SNX8: variants seen among roughly 807,000 people sequenced by gnomAD.
SNX8 encodes the protein sorting nexin-8.
In SNX8, 25 loss-of-function variants were observed where a neutral mutation model predicts 51.6. The ratio of observed to expected loss-of-function variants is 0.48; its 90% CI spans 0.35 to 0.68. The LOEUF is 0.68. SNX8 is among the 30% of genes least tolerant of loss of function. The pLI is 0.00. For missense variants in SNX8, 695 were observed against 624.0 expected, an observed-to-expected ratio of 1.11 and a Z score of -1.21; for synonymous variants, 324 against 277.0, an observed-to-expected ratio of 1.17 and a Z score of -1.68.
At chr7:2,344,386 C>T (rs1005552548) in intron 1 of SNX8, among the ~76,000 whole-genome samples, 5 of 151,380 alleles carry the variant, frequency 3.3e-5, no homozygotes, top group Admixed American at 2.0e-4. Flanking sequence ...CCCAGACGGG[C>T]GGATCACGAG....
At chr7:2,268,969 G>A (rs1396240740) in intron 5 of SNX8, among the ~76,000 whole-genome samples, 15 of 138,040 alleles carry the variant, frequency 1.1e-4, no homozygotes, top group Non-Finnish European at 1.6e-4. Context: ...CCTCTGCCCG[G>A]CCACCCCTAC....
chr7:2,263,421 C>CTG, intron 6 of SNX8, 59 bp from the exon 7 acceptor site: 1 of 1,508,824 alleles, frequency 6.6e-7, no homozygotes, highest in Non-Finnish European at 9.0e-7. Flanking sequence ...ACCTGGCAGT[C>CTG]GAGTCTGGCA....
At chr7:2,342,598 G>C (rs1263581923) in intron 1 of SNX8, among the ~76,000 whole-genome samples, 1 of 151,314 alleles carries the variant, frequency 6.6e-6, no homozygotes, top group Non-Finnish European at 1.5e-5. Context: ...AGGTTGCAGT[G>C]AGCCGAGATC....
At chr7:2,353,597 G>C (rs554161381) in intron 1 of SNX8, among the ~76,000 whole-genome samples, 14 of 151,960 alleles carry the variant, frequency 9.2e-5, no homozygotes, top group African/African-American at 3.4e-4. Context: ...ATTTTAATAT[G>C]AAGTTTAGTA....
intron 1 of SNX8, among the ~76,000 whole-genome samples, chr7:2,353,008 G>A (rs1248840355): frequency 6.6e-6 from 1 of 152,110 alleles, no homozygotes; most frequent in Non-Finnish European, 1.5e-5. Flanking sequence ...ACACCGTTAG[G>A]ATGGGATGGG....
intron 1 of SNX8, among the ~76,000 whole-genome samples, chr7:2,326,427 A>G (rs936211956): frequency 6.6e-6 from 1 of 152,108 alleles, no homozygotes; most frequent in African/African-American, 2.4e-5. Context: ...GCACTTTGGA[A>G]GGCCAAGGCG....
intron 1 of SNX8, among the ~76,000 whole-genome samples, chr7:2,337,676 C>T (rs529826042): frequency 7.5e-4 from 113 of 151,524 alleles, no homozygotes; most frequent in South Asian, 8.3e-4. Context: ...AATGCAAATA[C>T]GAGAAAACAT....
At chr7:2,257,574 A>C in intron 8 of SNX8, 60 bp from the exon 9 acceptor site, 1 of 1,590,224 alleles carries the variant, frequency 6.3e-7, no homozygotes, top group South Asian at 1.1e-5. Context: ...GGCCCTGCGG[A>C]GCCGGCCGAG....
rs1795215866 is a variant in SNX8, at chr7:2,257,431, C to T, written c.1068G>A (p.Met356Ile). The change falls in exon 9 of 11, where the codon ATG becomes ATA. Residue 356 changes from methionine to isoleucine, a missense_variant. Coordinates refer to ENST00000222990, the MANE Select transcript of SNX8 (RefSeq NM_013321.4). Reference protein sequence around the residue: ...LHKYSLMKRQMMSATAQNREP... With the variant: ...LHKYSLMKRQIMSATAQNREP... The stretch of plus-strand genomic sequence containing the variant: ...CGCGGTTCTGCGCGGTGGCGCTCAT[C>T]ATCTGCCTCTTCATCAGGCTGTACT... The T allele has an allele frequency of 1.2e-6, 2 of 1,610,832 alleles. No homozygotes were observed. Among genetic ancestry groups the T allele is most frequent in the East Asian group, 2.2e-5 (1 of 44,814 alleles).
chr7:2,293,596 T>C lies in SNX8; in HGVS notation c.95-15291A>G, dbSNP rs569085756. 5.4e-5 allele frequency among the ~76,000 whole-genome samples: 8 copies of C among 148,358 alleles called. No homozygotes were observed. In the South Asian group the frequency reaches 1.7e-3, roughly 32 times the overall value. The stretch of plus-strand genomic sequence containing the variant: ...AGAATCGCTTGAACCCAGGAGGTGA[T>C]GGTTGCAGTGAGCCAAGATAGCGCC... On this transcript the variant is annotated intron_variant, in intron 1 of 10. Coordinates refer to ENST00000222990, the MANE Select transcript of SNX8 (RefSeq NM_013321.4).
chr7:2,313,455 G>A (rs1796698844), intron 1 of SNX8, among the ~76,000 whole-genome samples: 1 of 151,332 alleles, frequency 6.6e-6, no homozygotes, highest in Admixed American at 6.6e-5. Flanking sequence ...GAACCCGGGA[G>A]GCGGAGGTTG....
At chr7:2,339,480 A>T (rs1217189705) in intron 1 of SNX8, among the ~76,000 whole-genome samples, 1 of 152,118 alleles carries the variant, frequency 6.6e-6, no homozygotes, top group African/African-American at 2.4e-5. Flanking sequence ...AAGTGCTGGG[A>T]GAAAATTATA....
intron 10 of SNX8, among the ~76,000 whole-genome samples, chr7:2,256,182 C>G (rs577861128): frequency 6.6e-6 from 1 of 152,332 alleles, no homozygotes; most frequent in Non-Finnish European, 1.5e-5. Flanking sequence ...CCTCTCCAGC[C>G]CCACCACGGC....
intron 1 of SNX8, among the ~76,000 whole-genome samples, chr7:2,323,454 T>C (rs2115227118): frequency 6.6e-6 from 1 of 152,212 alleles, no homozygotes; most frequent in South Asian, 2.1e-4. Flanking sequence ...TATATCATGC[T>C]GCAGTAACAA....
chr7:2,271,064 G>T (rs1263043667), intron 4 of SNX8, among the ~76,000 whole-genome samples: 1 of 152,266 alleles, frequency 6.6e-6, no homozygotes, highest in East Asian at 1.9e-4. Flanking sequence ...GTTTTTTTGA[G>T]ACAGGGTCTC....
chr7:2,275,297 C>T (rs1362073191), intron 2 of SNX8, 68 bp from the exon 3 acceptor site: 3 of 1,065,022 alleles, frequency 2.8e-6, no homozygotes, highest in Non-Finnish European at 4.4e-6. Context: ...TTCCCCTCAA[C>T]AGAGCCCGGG....
chr7:2,272,867 C>G (rs1302678668), intron 3 of SNX8, among the ~76,000 whole-genome samples: 1 of 151,950 alleles, frequency 6.6e-6, no homozygotes, highest in Non-Finnish European at 1.5e-5. Flanking sequence ...GAGTTTCACT[C>G]TTGTCGCCCA....
intron 3 of SNX8, 40 bp from the exon 4 acceptor site, chr7:2,272,011 G>A (rs774540368): frequency 1.7e-5 from 28 of 1,608,816 alleles, no homozygotes; most frequent in South Asian, 9.9e-5. Flanking sequence ...AGTCCAGGGC[G>A]CCGGCCCCCA....
At chr7:2,310,033 G>A (rs1364532334) in intron 1 of SNX8, 1 of 372,510 alleles carries the variant, frequency 2.7e-6, no homozygotes, top group East Asian at 7.3e-5. Context: ...GGGATGAGCC[G>A]CAAGTGAAGC....
Sources: gnomAD v4.1 joint callset for allele counts (sites outside exome capture counted in the v4.1 genomes callset) on GRCh38, gnomAD v4.1.1 for gene constraint, MANE v1.5 for transcripts, NCBI Gene and HGNC (gene_info 2026-07-23, HGNC 2026-07-21) for gene names.